The following MUC5B variants were observed in gnomAD, a reference collection of about 807,000 sequenced individuals.
MUC5B encodes the protein mucin-5B.
In MUC5B, 116 loss-of-function variants were observed where a neutral mutation model predicts 376.9. That is an observed-to-expected ratio of 0.31 (90% CI 0.26 to 0.36). The LOEUF (loss-of-function observed/expected upper bound fraction) is 0.36. MUC5B is among the 10% of genes least tolerant of loss of function. The pLI is 1.00. For synonymous variants in MUC5B, 3,517 were observed against 3,390.9 expected (o/e 1.04, Z -1.29); for missense variants, 7,165 against 7,769.9 (o/e 0.92, Z 2.93).
chr11:1,248,376 C>T lies in MUC5B; in HGVS notation c.11496C>T (p.His3832=), dbSNP rs776734693. The change falls in exon 31 of 49, where the codon CAC becomes CAT. Residue 3832 remains histidine (H), a synonymous_variant. Coordinates refer to ENST00000529681, the MANE Select transcript of MUC5B (RefSeq NM_002458.3). Reference sequence around the variant, plus strand: ...CCTCCTCCACTCCAGAGACTGCCCACACCTCCACAGTGCTTACCACCACGG... The same window carrying T: ...CCTCCTCCACTCCAGAGACTGCCCATACCTCCACAGTGCTTACCACCACGG... ...ATPSSTPETA[H]TSTVLTTTAT... 3 of 1,613,000 alleles carry T rather than the reference C, an allele frequency of 1.9e-6. No individual in the cohort carries two copies. The highest frequency in any genetic ancestry group is 2.7e-5 in the African/African-American group (2 of 74,740).
At position 1,231,648 on chromosome 11, in the gene MUC5B, C is replaced by T. The variant is rs796872433; in HGVS notation, c.1678+88C>T. The T allele has an allele frequency of 8.9e-5, 125 of 1,409,424 alleles. 1 individual carries two copies. In the African/African-American group the frequency reaches 1.4e-3, roughly 16 times the overall value. The allele number at this position is 1,409,424 out of a possible 1,614,324, so 87.3% of individuals were successfully genotyped here. A position where few individuals can be genotyped will look rare whatever the true frequency, so the allele number is the denominator to read the frequency against. On this transcript the variant is annotated intron_variant, in intron 14 of 48. Coordinates refer to ENST00000529681, the MANE Select transcript of MUC5B (RefSeq NM_002458.3). Reference sequence around the variant, plus strand: ...GGCTGCAGGGAGGGGCAGGCAGAGGCGGGCAGGGGACCGGGGAGGGGGCTG... The same window carrying T: ...GGCTGCAGGGAGGGGCAGGCAGAGGTGGGCAGGGGACCGGGGAGGGGGCTG...
rs1862905245 is a variant in MUC5B, at chr11:1,258,450, C to T, written c.16593+83C>T. Reference sequence around the variant, plus strand: ...CCCCGGGGCTCTCTGAGCCCCACTCCTTGTCTTGACATTCCTGCCCTGAGG... The same window carrying T: ...CCCCGGGGCTCTCTGAGCCCCACTCTTTGTCTTGACATTCCTGCCCTGAGG... On this transcript the variant is annotated intron_variant, in intron 43 of 48. Coordinates refer to ENST00000529681, the MANE Select transcript of MUC5B (RefSeq NM_002458.3). The surrounding 1 kb of genome is among the most constrained non-coding windows in gnomAD (Gnocchi z 5.5). 1 of 1,504,098 alleles carries T rather than the reference C, an allele frequency of 6.6e-7. No homozygotes were observed. Among genetic ancestry groups the T allele is most frequent in the East Asian group, 2.3e-5 (1 of 42,996 alleles). 93.2% of individuals were successfully genotyped at this position (1,504,098 alleles called of 1,614,324 possible). A position where few individuals can be genotyped will look rare whatever the true frequency, so the allele number is the denominator to read the frequency against.
chr11:1,251,753 T>C lies in MUC5B; in HGVS notation c.14863+10T>C. The C allele has an allele frequency of 1.3e-6, 2 of 1,546,754 alleles. No individual in the cohort carries two copies. Among genetic ancestry groups the C allele is most frequent in the Non-Finnish European group, 1.8e-6 (2 of 1,128,752 alleles). ...CAGTTTTTCTCGCCCGGTGAGTGCA[T>C]GTGGATAACACTGCTGTACCCTTTC... On this transcript the variant is annotated intron_variant, in intron 31 of 48. Coordinates refer to ENST00000529681, the MANE Select transcript of MUC5B (RefSeq NM_002458.3).
In MUC5B at chr11:1,245,140, A is replaced by G. The variant is rs1445392442; in HGVS notation, c.8260A>G (p.Thr2754Ala). ...TPPVPNTTATTHGRSLSPSSP... is the reference protein window; with the variant it reads ...TPPVPNTTATAHGRSLSPSSP... ...CCCAGTGCCGAACACCACGGCCACC[A>G]CACACGGGCGATCCCTGTCCCCCAG... is the stretch of plus-strand genomic sequence containing the variant. The change falls in exon 31 of 49, where the codon ACA becomes GCA. Residue 2754 changes from threonine to alanine, a missense_variant. Transcript: ENST00000529681. 5 of 1,549,524 alleles carry G rather than the reference A, an allele frequency of 3.2e-6. No individual in the cohort carries two copies. Among genetic ancestry groups the G allele is most frequent in the Non-Finnish European group, 3.5e-6 (4 of 1,145,590 alleles).
chr11:1,260,857 T>TC, intron 48 of MUC5B, 129 bp downstream of exon 48: 2 of 687,326 alleles, frequency 2.9e-6, no homozygotes, highest in East Asian at 5.4e-5. Flanking sequence ...GGGAAGGGGC[T>TC]CCCCAGCAGG....
In MUC5B at chr11:1,248,768, C is replaced by T. The variant is rs1183700496; in HGVS notation, c.11888C>T (p.Pro3963Leu). ...TITATGSTTN[P>L]SSTPGTTPIP... ...ACGGCCACCGGCTCCACCACCAACCCCTCCTCAACTCCAGGGACAACACCT... is the reference window on the plus strand; with the variant it reads ...ACGGCCACCGGCTCCACCACCAACCTCTCCTCAACTCCAGGGACAACACCT... The change falls in exon 31 of 49, where the codon CCC (proline) becomes CTC (leucine). Residue 3963 changes from proline to leucine, a missense_variant. Physicochemically the swap from Pro to Leu is moderately conservative, Grantham distance 98. This residue lies in a region of MUC5B where 242 missense variants were observed against 199.0 expected (regional missense o/e 1.22). Coordinates refer to ENST00000529681, the MANE Select transcript of MUC5B (RefSeq NM_002458.3). The T allele has an allele frequency of 9.7e-6, 15 of 1,551,472 alleles. No individual in the cohort carries two copies. Among genetic ancestry groups the T allele is most frequent in the Non-Finnish European group, 1.3e-5 (15 of 1,146,886 alleles).
At position 1,237,135 on chromosome 11, in the gene MUC5B, G is replaced by A. The variant is rs376966273; in HGVS notation, c.3268G>A (p.Gly1090Ser). The A allele has an allele frequency of 2.8e-5, 40 of 1,450,418 alleles. No individual in the cohort carries two copies. The highest frequency in any genetic ancestry group is 3.3e-5 in the Non-Finnish European group (36 of 1,094,832). 89.8% of individuals were successfully genotyped at this position (1,450,418 alleles called of 1,614,324 possible). A position where few individuals can be genotyped will look rare whatever the true frequency, so the allele number is the denominator to read the frequency against. Residue 1090 changes from glycine to serine, a missense_variant, in exon 25 of 49, where the codon GGC becomes AGC. Around this residue, in one of 31 missense-constraint regions of MUC5B, gnomAD observed 143 missense variants for 193.2 expected, o/e 0.74. Coordinates refer to ENST00000529681, the MANE Select transcript of MUC5B (RefSeq NM_002458.3). ...WAQKQCSILH[G>S]PTFAACRSQV... ...CCAGAAGCAGTGCAGCATCCTCCAC[G>A]GCCCCACCTTCGCCGCCTGCCGCTC...
At position 1,230,936 on chromosome 11, in the gene MUC5B, G is replaced by A; in HGVS notation, c.1471G>A (p.Ala491Thr). ...ACCTCCCGCCCGCCTCCTTCCGCAG[G>A]CCATCCGGGTCCAAGCGGACGGCGG... ...VTLSLDGGDT[A>T]IRVQADGGVF... The change falls in exon 13 of 49, where the codon GCC (alanine) becomes ACC (threonine). Residue 491 changes from alanine (A) to threonine (T), a missense_variant and splice_region_variant. Ala to Thr is a moderately conservative substitution (Grantham distance 58, BLOSUM62 0). Coordinates refer to ENST00000529681, the MANE Select transcript of MUC5B (RefSeq NM_002458.3). 1.3e-6 allele frequency: 2 copies of A among 1,588,386 alleles called. No individual in the cohort carries two copies. The highest frequency in any genetic ancestry group is 1.7e-6 in the Non-Finnish European group (2 of 1,168,640).
chr11:1,257,482 A>T lies in MUC5B; in HGVS notation c.16270-48A>T. On this transcript the variant is annotated intron_variant, in intron 40 of 48. Transcript: ENST00000529681. This position sits in a 1 kb window ranked among gnomAD's most constrained non-coding sequence, Gnocchi z 8.9. Reference sequence around the variant, plus strand: ...GTGGCTGGACAGATGCCCAGGGTTGACCTGTGTCTGTCCAGGAGCCCTCAG... The same window carrying T: ...GTGGCTGGACAGATGCCCAGGGTTGTCCTGTGTCTGTCCAGGAGCCCTCAG... 6.3e-7 allele frequency: 1 copy of T among 1,590,266 alleles called. No individual in the cohort carries two copies. Among genetic ancestry groups the T allele is most frequent in the Middle Eastern group, 1.7e-4 (1 of 6,004 alleles).
Position 1,252,277 on chromosome 11 carries a change from C to G in MUC5B, c.14864-66C>G, listed in dbSNP as rs971617854. 2.2e-5 allele frequency: 32 copies of G among 1,471,634 alleles called. No homozygotes were observed. The Admixed American group carries it at 7.0e-4, about 32-fold the overall frequency. 91.2% of individuals were successfully genotyped at this position (1,471,634 alleles called of 1,614,324 possible). A position where few individuals can be genotyped will look rare whatever the true frequency, so the allele number is the denominator to read the frequency against. On this transcript the variant is annotated intron_variant, in intron 31 of 48. Coordinates refer to ENST00000529681, the MANE Select transcript of MUC5B (RefSeq NM_002458.3). ...TCCTGCGCTGACCTCTGCCTTTGCTCTCCCAGAACTCTGGCTTACCCATCT... is the reference window on the plus strand; with the variant it reads ...TCCTGCGCTGACCTCTGCCTTTGCTGTCCCAGAACTCTGGCTTACCCATCT...
chr11:1,242,468 CA>C lies in MUC5B; in HGVS notation c.5589del (p.Gly1864AlafsTer67). Reference sequence around the variant, plus strand: ...CTGACCTGCAAGAACGAAGACCAGACAGGCAGGTTCAACATGTGCTTCAACT... The same window carrying C: ...CTGACCTGCAAGAACGAAGACCAGACGGCAGGTTCAACATGTGCTTCAACT... ...TGLTCKNEDQ[T>X]GRFNMCFNYN... On this transcript the variant is annotated frameshift_variant, in exon 31 of 49. Transcript: ENST00000529681. LOFTEE classifies it high-confidence loss of function. 1 of 1,613,810 alleles carries C rather than the reference CA, an allele frequency of 6.2e-7. No homozygotes were observed. Among genetic ancestry groups the C allele is most frequent in the Non-Finnish European group, 8.5e-7 (1 of 1,179,816 alleles).
intron 1 of MUC5B, among the ~76,000 whole-genome samples, chr11:1,224,407 G>A (rs1564929960): frequency 6.6e-6 from 1 of 151,714 alleles, no homozygotes; most frequent in Non-Finnish European, 1.5e-5. Context: ...CCAGCCCAAG[G>A]AGGGCACTGC....
In MUC5B at chr11:1,248,008, G is replaced by A. The variant is rs532416611; in HGVS notation, c.11128G>A (p.Ala3710Thr). 7.8e-5 allele frequency: 126 copies of A among 1,609,432 alleles called. 1 individual carries two copies. In the East Asian group the frequency reaches 2.6e-3, roughly 34 times the overall value. The change falls in exon 31 of 49, where the codon GCC (alanine) becomes ACC (threonine). Residue 3710 changes from alanine (A) to threonine (T), a missense_variant. Physicochemically the swap from Ala to Thr is moderately conservative, Grantham distance 58. This residue lies in a region of MUC5B where 90 missense variants were observed against 71.1 expected (regional missense o/e 1.27). Coordinates refer to ENST00000529681, the MANE Select transcript of MUC5B (RefSeq NM_002458.3). The stretch of plus-strand genomic sequence containing the variant: ...TACGACTGAGTCCACTGGATCCACG[G>A]CCACCCCGTCCTCCACCCCAGGGAC... ...ATTTESTGSTATPSSTPGTTW... is the reference protein window; with the variant it reads ...ATTTESTGSTTTPSSTPGTTW...
chr11:1,249,701 G>T lies in MUC5B; in HGVS notation c.12821G>T (p.Gly4274Val). The change falls in exon 31 of 49, where the codon GGA becomes GTA. Residue 4274 changes from glycine (G) to valine (V), a missense_variant. Around this residue, in one of 31 missense-constraint regions of MUC5B, gnomAD observed 431 missense variants for 390.4 expected, o/e 1.10. Transcript: ENST00000529681. Reference sequence around the variant, plus strand: ...ACGGCCACCCCGTCCTCCACCCCGGGAACAGCTCCCCCTCCCAAAGTGCTG... The same window carrying T: ...ACGGCCACCCCGTCCTCCACCCCGGTAACAGCTCCCCCTCCCAAAGTGCTG... The part of the protein sequence containing the change: ...GSTATPSSTP[G>V]TAPPPKVLTS... 1 of 1,609,442 alleles carries T rather than the reference G, an allele frequency of 6.2e-7. No homozygotes were observed. The highest frequency in any genetic ancestry group is 8.5e-7 in the Non-Finnish European group (1 of 1,177,674).
In MUC5B at chr11:1,257,619, C is replaced by T; in HGVS notation, c.16359C>T (p.Ala5453=). 1 of 1,602,718 alleles carries T rather than the reference C, an allele frequency of 6.2e-7. No individual in the cohort carries two copies. Among genetic ancestry groups the T allele is most frequent in the Non-Finnish European group, 8.5e-7 (1 of 1,179,266 alleles). The change falls in exon 41 of 49, where the codon GCC becomes GCT. Residue 5453 remains alanine, a synonymous_variant. Transcript: ENST00000529681. The surrounding 1 kb of genome is among the most constrained non-coding windows in gnomAD (Gnocchi z 8.9). ...AGTGCAAGCCCCTGCCCTGTGACGCCCAGGGTCAGCCCCCGCCGTGCAACC... is the reference window on the plus strand; with the variant it reads ...AGTGCAAGCCCCTGCCCTGTGACGCTCAGGGTCAGCCCCCGCCGTGCAACC... The part of the protein sequence containing the change: ...SVQCKPLPCD[A]QGQPPPCNRP...
Position 1,227,689 on chromosome 11 carries a change from C to G in MUC5B, c.682C>G (p.Pro228Ala), listed in dbSNP as rs1247667455. 1 of 721,746 alleles carries G rather than the reference C, an allele frequency of 1.4e-6. No individual in the cohort carries two copies. The highest frequency in any genetic ancestry group is 2.0e-5 in the Admixed American group (1 of 50,558). The allele number at this position is 721,746 out of a possible 1,614,324, so 44.7% of individuals were successfully genotyped here. Residue 228 changes from proline to alanine, a missense_variant, in exon 7 of 49, where the codon CCG becomes GCG. Physicochemically the swap from Pro to Ala is conservative, Grantham distance 27. This residue lies in a region of MUC5B where 640 missense variants were observed against 733.0 expected (regional missense o/e 0.87). Transcript: ENST00000529681. ...CTTCCCGGCAGACGCCAGGCTGACC[C>G]CGCTCCAGTTTGGGAACCTGCAGAA... ...EFYAHNARLT[P>A]LQFGNLQKLD... is the part of the protein sequence containing the mutation.
chr11:1,257,145 A>T lies in MUC5B; in HGVS notation c.16238-95A>T. ...TCCAGGGCCTTCCATCCCGGGGGGA[A>T]GCAGGCTCCAGGCCTGAGAGCACCT... is the stretch of plus-strand genomic sequence containing the variant. On this transcript the variant is annotated intron_variant, in intron 39 of 48. Coordinates refer to ENST00000529681, the MANE Select transcript of MUC5B (RefSeq NM_002458.3). The surrounding 1 kb of genome is among the most constrained non-coding windows in gnomAD (Gnocchi z 8.9). 2 of 765,392 alleles carry T rather than the reference A, an allele frequency of 2.6e-6. No individual in the cohort carries two copies. Among genetic ancestry groups the T allele is most frequent in the Non-Finnish European group, 4.9e-6 (2 of 409,752 alleles). The allele number at this position is 765,392 out of a possible 1,614,324, so 47.4% of individuals were successfully genotyped here.
rs1329758905 is a variant in MUC5B, at chr11:1,232,531, A to T, written c.1925A>T (p.Lys642Met). 1.2e-6 allele frequency: 2 copies of T among 1,610,792 alleles called. No homozygotes were observed. Among genetic ancestry groups the T allele is most frequent in the African/African-American group, 2.7e-5 (2 of 74,796 alleles). Residue 642 changes from lysine (K) to methionine (M), a missense_variant, in exon 16 of 49, where the codon AAG (lysine) becomes ATG (methionine). Around this residue, in one of 31 missense-constraint regions of MUC5B, gnomAD observed 530 missense variants for 604.0 expected, o/e 0.88. Transcript: ENST00000529681. Reference sequence around the variant, plus strand: ...CGCTGCCACTCCATCATCAACCCCAAGCCCTTCCACTCGGTGAGAGGCTGA... The same window carrying T: ...CGCTGCCACTCCATCATCAACCCCATGCCCTTCCACTCGGTGAGAGGCTGA... ...FSRCHSIINP[K>M]PFHSNCMFDT...
At position 1,242,253 on chromosome 11, in the gene MUC5B, A is replaced by G. The variant is rs1212917527; in HGVS notation, c.5373A>G (p.Thr1791=). Residue 1791 remains threonine (T), a synonymous_variant, in exon 31 of 49, where the codon ACA becomes ACG. Transcript: ENST00000529681. The stretch of plus-strand genomic sequence containing the variant: ...GCTGTCAACCGAAGTGTGAGTGGAC[A>G]GAGTGGTTTGACGTGGACTTCCCAA... The part of the protein sequence containing the change: ...TTRCQPKCEW[T]EWFDVDFPTS... 1.9e-6 allele frequency: 3 copies of G among 1,613,824 alleles called. No homozygotes were observed. Among genetic ancestry groups the G allele is most frequent in the Admixed American group, 1.7e-5 (1 of 60,024 alleles).
Sources: allele counts gnomAD v4.1 joint callset (sites outside exome capture counted in the v4.1 genomes callset), GRCh38; gene constraint gnomAD v4.1.1; regional missense constraint gnomAD v4.1.1; non-coding constraint Gnocchi (gnomAD v3.1); transcripts MANE v1.5; gene names NCBI Gene and HGNC (gene_info 2026-07-23, HGNC 2026-07-21).